Variants in CDH1 observed in about 807,000 individuals in gnomAD.
CDH1 encodes cadherin-1.
Under a neutral mutation model 84.5 loss-of-function variants are expected in CDH1, and 35 were observed. The observed-to-expected ratio is 0.41, with a 90% CI of 0.32 to 0.55. The LOEUF (loss-of-function observed/expected upper bound fraction) is 0.55, where lower values mean the gene tolerates loss of function less well. Among genes scored for constraint, CDH1 ranks in the 20% least tolerant of loss-of-function variants. The pLI, the probability that CDH1 is intolerant of heterozygous loss-of-function variation, is 0.19. For synonymous variants in CDH1, 417 were observed against 439.0 expected (o/e 0.95, Z 0.63); for missense variants, 994 against 1,126.6 (o/e 0.88, Z 1.68).
rs1555517631 is a variant in CDH1, at chr16:68,828,154, T to C, written c.2165-20T>C. The C allele has an allele frequency of 6.2e-7, 1 of 1,613,446 alleles. No individual in the cohort carries two copies. The highest frequency in any genetic ancestry group is 1.3e-5 in the African/African-American group (1 of 74,894). On this transcript the variant is annotated intron_variant, in intron 13 of 15. Coordinates refer to ENST00000261769, the MANE Select transcript of CDH1 (RefSeq NM_004360.5). ...TATCTTTGGCTCTCAACACTTGCTC[T>C]GTCTCCCCCACCATCCCAGTTCTGA...
chr16:68,778,416 A>C (rs1374899031), intron 2 of CDH1, among the ~76,000 whole-genome samples: 4 of 152,212 alleles, frequency 2.6e-5, no homozygotes, highest in African/African-American at 9.6e-5. Context: ...AAATGCCAAC[A>C]GGGAACAAAT....
At chr16:68,768,641 T>A (rs1341708717) in intron 2 of CDH1, among the ~76,000 whole-genome samples, 1 of 152,190 alleles carries the variant, frequency 6.6e-6, no homozygotes, top group East Asian at 1.9e-4. Flanking sequence ...AGAGGATCAG[T>A]TGAGCCCAAG....
chr16:68,789,689 T>C (rs1960158109), intron 2 of CDH1, among the ~76,000 whole-genome samples: 1 of 152,180 alleles, frequency 6.6e-6, no homozygotes, highest in African/African-American at 2.4e-5. Context: ...CCTCACTCCT[T>C]AGTTGCTACT....
chr16:68,783,983 A>C (rs1597872308), intron 2 of CDH1, among the ~76,000 whole-genome samples: 1 of 151,904 alleles, frequency 6.6e-6, no homozygotes, highest in South Asian at 2.1e-4. Context: ...GCCCTTCATG[A>C]TTTTTAATTT....
At chr16:68,831,163 C>G (rs1054862871) in intron 15 of CDH1, among the ~76,000 whole-genome samples, 2 of 143,274 alleles carry the variant, frequency 1.4e-5, no homozygotes, top group African/African-American at 5.1e-5. Context: ...ACTGCAAGCT[C>G]TACCTCCCAG....
At position 68,833,325 on chromosome 16, in the gene CDH1, G is replaced by A. The variant is rs755658014; in HGVS notation, c.2475G>A (p.Pro825=). The A allele has an allele frequency of 2.5e-6, 4 of 1,614,092 alleles. No individual in the cohort carries two copies. Among genetic ancestry groups the A allele is most frequent in the East Asian group, 4.5e-5 (2 of 44,878 alleles). ...CGGCTGATACTGACCCCACAGCCCC[G>A]CCTTATGATTCTCTGCTCGTGTTTG... The part of the protein sequence containing the change: ...LKAADTDPTA[P]PYDSLLVFDY... Residue 825 remains proline (P), a synonymous_variant, in exon 16 of 16, where the codon CCG becomes CCA. Coordinates refer to ENST00000261769, the MANE Select transcript of CDH1 (RefSeq NM_004360.5).
intron 12 of CDH1, chr16:68,823,143 A>C: frequency 4.1e-6 from 2 of 485,646 alleles, no homozygotes; most frequent in South Asian, 4.3e-5. Flanking sequence ...CGCTCTGCCT[A>C]AGCCTCTCCC....
intron 13 of CDH1, among the ~76,000 whole-genome samples, chr16:68,826,920 G>A (rs1961336402): frequency 6.6e-6 from 1 of 152,142 alleles, no homozygotes; most frequent in Admixed American, 6.5e-5. Flanking sequence ...TTAGAAATAG[G>A]TAGTTGAGGT....
Position 68,834,475 on chromosome 16 carries a change from C to A in CDH1, c.*976C>A, listed in dbSNP as rs916917857. ...CAAGCAATCCTTCTGCCTTGGCCCC[C>A]CAAAGTGCTGGGATTGTGGGCATGA... is the stretch of plus-strand genomic sequence containing the variant. On this transcript the variant is annotated 3_prime_UTR_variant, in exon 16 of 16. Transcript: ENST00000261769. 2.2e-5 allele frequency: 7 copies of A among 314,368 alleles called. No homozygotes were observed. The highest frequency in any genetic ancestry group is 3.7e-5 in the Non-Finnish European group (6 of 162,646). 19.5% of individuals were successfully genotyped at this position (314,368 alleles called of 1,614,324 possible). A position where few individuals can be genotyped will look rare whatever the true frequency, so the allele number is the denominator to read the frequency against.
At position 68,812,117 on chromosome 16, in the gene CDH1, G is replaced by T. The variant is rs527333493; in HGVS notation, c.1009-18G>T. 3 of 1,614,056 alleles carry T rather than the reference G, an allele frequency of 1.9e-6. No individual in the cohort carries two copies. The African/African-American group carries it at 4.0e-5, about 22-fold the overall frequency. The stretch of plus-strand genomic sequence containing the variant: ...TAGTGTTCCTGGTCCTGACTTGGTT[G>T]TGTCGATCTCTCTGCAGAGTTTCCC... On this transcript the variant is annotated intron_variant, in intron 7 of 15. Transcript: ENST00000261769.
intron 2 of CDH1, among the ~76,000 whole-genome samples, chr16:68,788,041 T>A (rs532527582): frequency 2.0e-5 from 3 of 151,594 alleles, no homozygotes; most frequent in Non-Finnish European, 4.4e-5. Context: ...TGGCCAGGCC[T>A]GTCTTAAACT....
At chr16:68,811,583 T>C in intron 6 of CDH1, 101 bp from the exon 7 acceptor site, 4 of 1,014,782 alleles carry the variant, frequency 3.9e-6, no homozygotes, top group South Asian at 3.9e-5. Flanking sequence ...ACCACCCCCA[T>C]GTCCCCTCCT....
chr16:68,808,385 G>T, intron 3 of CDH1, 39 bp from the exon 4 acceptor site: 1 of 1,612,968 alleles, frequency 6.2e-7, no homozygotes, highest in East Asian at 2.2e-5. Flanking sequence ...TATCCGTCTT[G>T]AATTGTCTTA....
At chr16:68,761,137 C>G (rs532782057) in intron 2 of CDH1, among the ~76,000 whole-genome samples, 2 of 152,326 alleles carry the variant, frequency 1.3e-5, no homozygotes, top group Non-Finnish European at 2.9e-5. Context: ...CAGAGCCTGG[C>G]AGGACTGCAG....
At chr16:68,790,723 T>C (rs1364703835) in intron 2 of CDH1, among the ~76,000 whole-genome samples, 3 of 152,020 alleles carry the variant, frequency 2.0e-5, no homozygotes, top group African/African-American at 7.2e-5. Context: ...TGAAAACAAA[T>C]TGAGATGAGA....
chr16:68,783,195 G>A (rs1015023382), intron 2 of CDH1, among the ~76,000 whole-genome samples: 4 of 151,716 alleles, frequency 2.6e-5, no homozygotes, highest in African/African-American at 9.7e-5. Flanking sequence ...TCAGGAGTTC[G>A]AGACCAGCCT....
At chr16:68,791,677 C>A (rs1004126994) in intron 2 of CDH1, among the ~76,000 whole-genome samples, 10 of 152,194 alleles carry the variant, frequency 6.6e-5, no homozygotes, top group Admixed American at 5.9e-4. Context: ...TCACCTCGGC[C>A]TCCCAAAGTG....
At position 68,819,432 on chromosome 16, in the gene CDH1, G is replaced by A. The variant is rs762005138; in HGVS notation, c.1711+7G>A. 5 of 1,613,060 alleles carry A rather than the reference G, an allele frequency of 3.1e-6. No individual in the cohort carries two copies. The highest frequency in any genetic ancestry group is 4.2e-6 in the Non-Finnish European group (5 of 1,179,950). Reference sequence around the variant, plus strand: ...ATCATAGCTACAGACAATGGTAAGGGGGCCTCATCTGAGCCTTTGCTGCCT... The same window carrying A: ...ATCATAGCTACAGACAATGGTAAGGAGGCCTCATCTGAGCCTTTGCTGCCT... On this transcript the variant is annotated splice_region_variant and intron_variant, in intron 11 of 15. Coordinates refer to ENST00000261769, the MANE Select transcript of CDH1 (RefSeq NM_004360.5).
At chr16:68,745,566 A>ATATATATATATATATATATATG (rs1383984119) in intron 2 of CDH1, among the ~76,000 whole-genome samples, 1 of 18,806 alleles carries the variant, frequency 5.3e-5, no homozygotes, top group African/African-American at 1.1e-4. Context: ...ATATATATGT[A>ATATATATATATATATATATATG]TATATATATG....
Sources: allele counts gnomAD v4.1 joint callset (sites outside exome capture counted in the v4.1 genomes callset), GRCh38; gene constraint gnomAD v4.1.1; transcripts MANE v1.5; gene names NCBI Gene and HGNC (gene_info 2026-07-23, HGNC 2026-07-21).